AKT3: variants seen among roughly 807,000 people sequenced by gnomAD.
AKT3 encodes AKT serine/threonine kinase 3.
A neutral mutation model predicts 65.3 loss-of-function variants in AKT3; 15 were observed. The ratio of observed to expected loss-of-function variants is 0.23; its 90% CI spans 0.15 to 0.35. AKT3 has a LOEUF of 0.35. Among genes scored for constraint, AKT3 ranks in the 10% least tolerant of loss-of-function variants. The probability of loss-of-function intolerance (pLI) is 1.00; values close to 1 mark genes in which losing one functional copy is unlikely to be tolerated. For synonymous variants in AKT3, 206 were observed against 183.8 expected, an observed-to-expected ratio of 1.12 and a Z score of -0.98; for missense variants, 243 against 576.5, an observed-to-expected ratio of 0.42 and a Z score of 5.92.
At chr1:243,645,151 G>A (rs1249784982) in intron 5 of AKT3, among the ~76,000 whole-genome samples, 1 of 152,038 alleles carries the variant, frequency 6.6e-6, no homozygotes, top group Non-Finnish European at 1.5e-5. Context: ...CAAATTTCAT[G>A]GATAATACCT....
rs1214602870 is a variant in AKT3 at position 243,795,473 on chromosome 1, TTG to T, written c.46+47650_46+47651del. ...TGTTTTTTTTTTTTGTTTTTTTTTT[TTG>T]GTTTTTTTTTTTTTGAGACGGAGTC... On this transcript the variant is annotated intron_variant, in intron 2 of 13. Transcript: ENST00000673466. 7.0e-3 allele frequency among the ~76,000 whole-genome samples: 696 copies of T among 99,300 alleles called. 18 individuals carry two copies. Among genetic ancestry groups the T allele is most frequent in the African/African-American group, 0.016 (504 of 31,844 alleles). 65.1% of individuals were successfully genotyped at this position (99,300 alleles called of 152,430 possible). A position where few individuals can be genotyped will look rare whatever the true frequency, so the allele number is the denominator to read the frequency against.
intron 2 of AKT3, among the ~76,000 whole-genome samples, chr1:243,812,276 GA>G (rs1170806418): frequency 1.3e-5 from 2 of 152,144 alleles, no homozygotes; most frequent in Non-Finnish European, 2.9e-5. Context: ...CTACTCATCT[GA>G]CAAAGGGTTA....
chr1:243,741,623 A>G (rs1688158598), intron 2 of AKT3: 1 of 152,142 alleles, frequency 6.6e-6, no homozygotes, highest in African/African-American at 2.4e-5. Context: ...TATTCATTTC[A>G]ATTTCTTAAC....
chr1:243,570,294 C>A (rs138833852), intron 9 of AKT3, among the ~76,000 whole-genome samples: 2 of 152,276 alleles, frequency 1.3e-5, no homozygotes, highest in East Asian at 3.9e-4. Context: ...GTAATGAGAA[C>A]AGAGACAAAT....
At chr1:243,659,392 G>C (rs1418720951) in intron 4 of AKT3, among the ~76,000 whole-genome samples, 2 of 152,238 alleles carry the variant, frequency 1.3e-5, no homozygotes, top group Non-Finnish European at 2.9e-5. Context: ...CCTTAAAAAT[G>C]AAAGAGGATT....
Position 243,584,986 on chromosome 1 carries a change from G to A in AKT3, c.697-11938C>T, listed in dbSNP as rs144101006. Among the ~76,000 whole-genome samples, 37 of 152,056 alleles carry A rather than the reference G, an allele frequency of 2.4e-4. No individual in the cohort carries two copies. In the East Asian group the frequency reaches 6.2e-3, roughly 25 times the overall value. On this transcript the variant is annotated intron_variant, in intron 8 of 13. Coordinates refer to ENST00000673466, the MANE Select transcript of AKT3 (RefSeq NM_005465.7). ...TATCTCTCTTTACTGATAATGATTCGATACTCAGGAAACCCTAAGGGCTCC... is the reference window on the plus strand; with the variant it reads ...TATCTCTCTTTACTGATAATGATTCAATACTCAGGAAACCCTAAGGGCTCC...
intron 11 of AKT3, among the ~76,000 whole-genome samples, chr1:243,546,425 G>A (rs1007574693): frequency 6.6e-6 from 1 of 152,054 alleles, no homozygotes; most frequent in Non-Finnish European, 1.5e-5. Flanking sequence ...GGAAGAACAG[G>A]AGGAAAAGAG....
chr1:243,804,544 T>C (rs1692598219), intron 2 of AKT3, among the ~76,000 whole-genome samples: 1 of 152,206 alleles, frequency 6.6e-6, no homozygotes, highest in Non-Finnish European at 1.5e-5. Flanking sequence ...TATCTGCATT[T>C]TTCAAGAATA....
intron 8 of AKT3, among the ~76,000 whole-genome samples, chr1:243,594,090 G>T (rs1191348108): frequency 6.6e-6 from 1 of 152,250 alleles, no homozygotes; most frequent in East Asian, 1.9e-4. Flanking sequence ...ACTAATAAGT[G>T]AGCTTAGGAA....
chr1:243,664,737 C>T lies in AKT3; in HGVS notation c.284+35G>A, dbSNP rs758523786. The T allele has an allele frequency of 2.1e-5, 24 of 1,140,382 alleles. No individual in the cohort carries two copies. The East Asian group carries it at 6.4e-4, about 31-fold the overall frequency. 70.6% of individuals were successfully genotyped at this position (1,140,382 alleles called of 1,614,324 possible). On this transcript the variant is annotated intron_variant, in intron 4 of 13. Transcript: ENST00000673466. ...AAATACATCTTTAGATTGAGTGTTG[C>T]TTTTTCACAAAATGAAAACAAGTGA...
In AKT3 at chr1:243,502,963, C is replaced by T. The variant is rs781207359; in HGVS notation, c.*2286G>A. The T allele has an allele frequency of 3.4e-5, 8 of 233,198 alleles. No individual in the cohort carries two copies. The highest frequency in any genetic ancestry group is 6.8e-5 in the Non-Finnish European group (8 of 118,058). The allele number at this position is 233,198 out of a possible 1,614,324, so 14.4% of individuals were successfully genotyped here. A position where few individuals can be genotyped will look rare whatever the true frequency, so the allele number is the denominator to read the frequency against. On this transcript the variant is annotated 3_prime_UTR_variant, in exon 14 of 14. Coordinates refer to ENST00000673466, the MANE Select transcript of AKT3 (RefSeq NM_005465.7). ...CTTTCCCTCTAGAGGAGTAAGTGCTCTGAACATCAGCCAGTCTCAGCTTTC... is the reference window on the plus strand; with the variant it reads ...CTTTCCCTCTAGAGGAGTAAGTGCTTTGAACATCAGCCAGTCTCAGCTTTC...
intron 12 of AKT3, among the ~76,000 whole-genome samples, 161 bp from the exon 13 acceptor site, chr1:243,512,587 AGTCTAAACCAACCGGTGGGTAATTGGTG>A (rs1202496989): frequency 6.6e-6 from 1 of 152,206 alleles, no homozygotes; most frequent in Non-Finnish European, 1.5e-5. Context: ...CCCAGTCAAC[AGTCTAAACCAACCGGTGGGTAATTGGTG>A]GTTCTGTATA....
intron 7 of AKT3, among the ~76,000 whole-genome samples, chr1:243,614,750 A>G (rs934632997): frequency 1.2e-4 from 18 of 152,210 alleles, no homozygotes; most frequent in African/African-American, 4.3e-4. Flanking sequence ...TAAAATCTTT[A>G]CATTTAAGAA....
At chr1:243,629,242 T>C (rs1679413697) in intron 6 of AKT3, among the ~76,000 whole-genome samples, 1 of 151,998 alleles carries the variant, frequency 6.6e-6, no homozygotes, top group East Asian at 1.9e-4. Flanking sequence ...CACCATTGCA[T>C]TCCAGCCTGG....
chr1:243,772,649 A>G (rs1690261888), intron 2 of AKT3, among the ~76,000 whole-genome samples: 2 of 152,210 alleles, frequency 1.3e-5, no homozygotes, highest in East Asian at 3.9e-4. Flanking sequence ...GAGATCTAGA[A>G]CTAGAAATAC....
At chr1:243,607,960 C>T (rs1372787214) in intron 8 of AKT3, among the ~76,000 whole-genome samples, 1 of 152,196 alleles carries the variant, frequency 6.6e-6, no homozygotes, top group Non-Finnish European at 1.5e-5. Context: ...GCTTCCCCTT[C>T]CACCATGATT....
intron 8 of AKT3, among the ~76,000 whole-genome samples, chr1:243,604,647 T>C (rs1677261977): frequency 6.6e-6 from 1 of 152,186 alleles, no homozygotes; most frequent in African/African-American, 2.4e-5. Context: ...TGCTTTCCTT[T>C]CCTCTGCTCC....
At chr1:243,515,525 T>C (rs1458912133) in intron 12 of AKT3, among the ~76,000 whole-genome samples, 1 of 152,230 alleles carries the variant, frequency 6.6e-6, no homozygotes, top group East Asian at 1.9e-4. Flanking sequence ...ACTCTGTTAA[T>C]AGGTGAACTA....
At chr1:243,816,343 A>G (rs1693519282) in intron 2 of AKT3, among the ~76,000 whole-genome samples, 1 of 152,194 alleles carries the variant, frequency 6.6e-6, no homozygotes, top group Admixed American at 6.5e-5. Context: ...GTAAAAACTC[A>G]GTAGTGATGA....
Sources: allele counts gnomAD v4.1 joint callset (sites outside exome capture counted in the v4.1 genomes callset), GRCh38; gene constraint gnomAD v4.1.1; transcripts MANE v1.5; gene names NCBI Gene and HGNC (gene_info 2026-07-23, HGNC 2026-07-21).